Variants in MMD2 observed in about 807,000 individuals in gnomAD.
The protein encoded by MMD2 is monocyte to macrophage differentiation factor 2.
A neutral mutation model predicts 33.5 loss-of-function variants in MMD2; 30 were observed. The ratio of observed to expected loss-of-function variants is 0.90; its 90% CI spans 0.67 to 1.22. The LOEUF is 1.22. Ranked by LOEUF, MMD2 falls within the 50% of genes most tolerant of loss-of-function variation. The pLI is 0.00. For synonymous variants in MMD2, 129 were observed against 123.0 expected (o/e 1.05, Z -0.32); for missense variants, 364 against 325.4 (o/e 1.12, Z -0.91).
chr7:4,897,901 C>G, the MMD2 span, among the ~76,000 whole-genome samples: 2 of 152,014 alleles, frequency 1.3e-5, no homozygotes, highest in African/African-American at 4.8e-5. Flanking sequence ...CCATGCCTGG[C>G]TAATTTTTGT....
intron 1 of MMD2, among the ~76,000 whole-genome samples, chr7:4,941,623 C>A (rs1180084086): frequency 1.1e-5 from 1 of 90,640 alleles, no homozygotes; most frequent in Admixed American, 1.3e-4. Context: ...GAGTGAGAAC[C>A]TGTCTCAAAA....
chr7:4,908,529 A>G (rs1383480842), intron 6 of MMD2, among the ~76,000 whole-genome samples: 1 of 152,200 alleles, frequency 6.6e-6, no homozygotes, highest in Non-Finnish European at 1.5e-5. Context: ...TTGCACACCC[A>G]TGTTCATAGC....
At position 4,930,066 on chromosome 7, in the gene MMD2, T is replaced by G. The variant is rs574605757; in HGVS notation, c.48-4534A>C. 7.3e-5 allele frequency among the ~76,000 whole-genome samples: 11 copies of G among 150,300 alleles called. No homozygotes were observed. The South Asian group carries it at 1.3e-3, about 17-fold the overall frequency. On this transcript the variant is annotated intron_variant, in intron 1 of 6. Coordinates refer to ENST00000401401, the MANE Select transcript of MMD2 (RefSeq NM_198403.4). ...GGGCATATTACAAGGTCAGGAGATC[T>G]AGACCATCCTGGCTAACACAGTGAA...
intron 4 of MMD2, 26 bp downstream of exon 4, chr7:4,915,979 T>G (rs777194619): frequency 1.1e-5 from 17 of 1,607,360 alleles, no homozygotes; most frequent in Non-Finnish European, 1.4e-5. Flanking sequence ...CGCCAAGGGT[T>G]TGCTGGGCGG....
At chr7:4,909,021 A>G (rs368625188) in intron 6 of MMD2, among the ~76,000 whole-genome samples, 1 of 152,172 alleles carries the variant, frequency 6.6e-6, no homozygotes, top group African/African-American at 2.4e-5. Flanking sequence ...ACTGAACTGA[A>G]TATTTTACCA....
At chr7:4,937,178 C>A (rs1317682906) in intron 1 of MMD2, among the ~76,000 whole-genome samples, 1 of 151,234 alleles carries the variant, frequency 6.6e-6, no homozygotes. Flanking sequence ...GGGTGGATCA[C>A]CTGAGGTCAG....
At chr7:4,909,489 C>T (rs2115086517) in intron 6 of MMD2, among the ~76,000 whole-genome samples, 1 of 152,102 alleles carries the variant, frequency 6.6e-6, no homozygotes, top group East Asian at 1.9e-4. Flanking sequence ...GTAGCCCAGG[C>T]TGGAGTGCAG....
intron 1 of MMD2, among the ~76,000 whole-genome samples, chr7:4,935,714 C>T (rs1785723221): frequency 6.7e-6 from 1 of 148,450 alleles, no homozygotes; most frequent in South Asian, 2.1e-4. Context: ...AAATTGTATA[C>T]GTTGATGGTG....
the MMD2 span, among the ~76,000 whole-genome samples, chr7:4,896,099 G>A: frequency 6.6e-6 from 1 of 152,238 alleles, no homozygotes; most frequent in East Asian, 1.9e-4. Flanking sequence ...TGTCACCTGT[G>A]ATCTGTTGGT....
In MMD2 at chr7:4,907,514, A is replaced by C. The variant is rs956014009; in HGVS notation, c.623T>G (p.Ile208Ser). The C allele has an allele frequency of 1.2e-6, 2 of 1,613,746 alleles. No individual in the cohort carries two copies. Among genetic ancestry groups the C allele is most frequent in the Non-Finnish European group, 8.5e-7 (1 of 1,179,902 alleles). The change falls in exon 7 of 7, where the codon ATC becomes AGC. Residue 208 changes from isoleucine to serine, a missense_variant. Ile to Ser is a moderately radical substitution (Grantham distance 142, BLOSUM62 -2). Transcript: ENST00000401401. ...GMVFFKSDGR[I>S]PFAHAIWHLF... ...ATGCCAGATGGCGTGGGCAAAGGGG[A>C]TCCTCCCGTCACTCTTGAAGAAGAC...
At chr7:4,920,083 C>G in intron 3 of MMD2, 88 bp downstream of exon 3, 3 of 1,413,392 alleles carry the variant, frequency 2.1e-6, no homozygotes, top group East Asian at 2.5e-5. Flanking sequence ...CCAGGCAGAC[C>G]GGATATCCTG....
the MMD2 span, among the ~76,000 whole-genome samples, chr7:4,897,026 A>AT: frequency 6.6e-6 from 1 of 151,888 alleles, no homozygotes; most frequent in South Asian, 2.1e-4. Flanking sequence ...CAGCCGGCTA[A>AT]TTTTTGTATT....
downstream of MMD2, among the ~76,000 whole-genome samples, chr7:4,905,615 C>T (rs1043943699): frequency 6.6e-6 from 1 of 152,106 alleles, no homozygotes; most frequent in African/African-American, 2.4e-5. The surrounding 1 kb of genome is among the most constrained non-coding windows in gnomAD (Gnocchi z 5.0). Context: ...CATGGTGCCA[C>T]GCCTTGGGAG....
chr7:4,910,740 T>C (rs752157261), intron 5 of MMD2, among the ~76,000 whole-genome samples: 2 of 152,204 alleles, frequency 1.3e-5, no homozygotes, highest in Non-Finnish European at 2.9e-5. Flanking sequence ...ACCATTCTCC[T>C]GCCTCAGCCT....
At chr7:4,917,635 T>G (rs1235615033) in intron 3 of MMD2, among the ~76,000 whole-genome samples, 2 of 150,998 alleles carry the variant, frequency 1.3e-5, no homozygotes, top group Non-Finnish European at 2.9e-5. Flanking sequence ...GAGCTTGCAG[T>G]GAGCCGAGAT....
chr7:4,921,620 CAA>C lies in MMD2; in HGVS notation c.130-1291_130-1290del, dbSNP rs1209184282. 8.6e-3 allele frequency among the ~76,000 whole-genome samples: 581 copies of C among 67,396 alleles called. 2 individuals are homozygous for C. The highest frequency in any genetic ancestry group is 0.025 in the African/African-American group (553 of 21,976). 44.2% of individuals were successfully genotyped at this position (67,396 alleles called of 152,430 possible). A position where few individuals can be genotyped will look rare whatever the true frequency, so the allele number is the denominator to read the frequency against. The stretch of plus-strand genomic sequence containing the variant: ...TGGGCGACAGAGCAAGACTCTGTCT[CAA>C]AAAAAAAAAAAAAAAAAAGTAGGCA... On this transcript the variant is annotated intron_variant, in intron 2 of 6. Transcript: ENST00000401401.
intron 6 of MMD2, chr7:4,909,630 C>T: frequency 1.5e-6 from 1 of 671,280 alleles, no homozygotes; most frequent in Non-Finnish European, 2.7e-6. Flanking sequence ...AGAGATGGGT[C>T]TTGCTATGTT....
At chr7:4,897,377 C>T in the MMD2 span, among the ~76,000 whole-genome samples, 3 of 151,606 alleles carry the variant, frequency 2.0e-5, no homozygotes, top group Admixed American at 6.6e-5. Flanking sequence ...TGTGTTAATA[C>T]AAAATAGCAA....
At chr7:4,919,168 A>G (rs567284380) in intron 3 of MMD2, among the ~76,000 whole-genome samples, 1 of 152,230 alleles carries the variant, frequency 6.6e-6, no homozygotes, top group Non-Finnish European at 1.5e-5. Context: ...TATTAGAAAG[A>G]TTAGGGAATG....
Sources: gnomAD v4.1 joint callset for allele counts (sites outside exome capture counted in the v4.1 genomes callset) on GRCh38, gnomAD v4.1.1 for gene constraint, Gnocchi (gnomAD v3.1) non-coding constraint, MANE v1.5 for transcripts, NCBI Gene and HGNC (gene_info 2026-07-23, HGNC 2026-07-21) for gene names.